RIMOC1: variants seen among roughly 807,000 people sequenced by gnomAD.
RIMOC1 encodes RAB7A-interacting MON1-CCZ1 complex subunit 1.
the RIMOC1 span, chr5:41,919,685 A>C: frequency 6.6e-6 from 1 of 152,062 alleles, no homozygotes; most frequent in Non-Finnish European, 1.5e-5. Flanking sequence ...TGCACACATC[A>C]TTACTTCTGC....
At chr5:41,909,759 T>A in the RIMOC1 span, 5 of 1,526,402 alleles carry the variant, frequency 3.3e-6, no homozygotes, top group Admixed American at 7.2e-5. Context: ...ATTTTGGACA[T>A]GACATATTTT....
At chr5:41,918,404 C>T in the RIMOC1 span, 1 of 985,748 alleles carries the variant, frequency 1.0e-6, no homozygotes, top group East Asian at 1.1e-4. Context: ...TTGACTGCTC[C>T]CCTTCCTCCT....
At chr5:41,912,190 T>C in the RIMOC1 span, 1 of 1,464,442 alleles carries the variant, frequency 6.8e-7, no homozygotes, top group Middle Eastern at 1.7e-4. Flanking sequence ...GCAGGTAATG[T>C]GATCTCTCAT....
chr5:41,918,543 C>T, the RIMOC1 span: 123 of 985,422 alleles, frequency 1.2e-4, no homozygotes, highest in Middle Eastern at 4.2e-3. Flanking sequence ...AAGCCCTCAA[C>T]CTCAGATTAA....
the RIMOC1 span, among the ~76,000 whole-genome samples, chr5:41,908,551 G>T: frequency 6.6e-6 from 1 of 152,062 alleles, no homozygotes; most frequent in African/African-American, 2.4e-5. Context: ...AATGCTTGGT[G>T]CTGTTCTTCC....
At chr5:41,916,426 C>A in the RIMOC1 span, 1 of 953,252 alleles carries the variant, frequency 1.0e-6, no homozygotes, top group Non-Finnish European at 1.2e-6. Flanking sequence ...GAAAATTCTG[C>A]AGCATACTCT....
the RIMOC1 span, among the ~76,000 whole-genome samples, chr5:41,905,305 T>G: frequency 6.6e-6 from 1 of 152,194 alleles, no homozygotes; most frequent in Non-Finnish European, 1.5e-5. Context: ...TCAGTGAATA[T>G]TTTTTGCCAG....
At chr5:41,916,687 T>C in the RIMOC1 span, among the ~76,000 whole-genome samples, 1 of 152,172 alleles carries the variant, frequency 6.6e-6, no homozygotes, top group Non-Finnish European at 1.5e-5. Flanking sequence ...GTGTATATTC[T>C]GGGAGAAGTT....
At chr5:41,907,750 C>T in the RIMOC1 span, 28 of 1,601,960 alleles carry the variant, frequency 1.7e-5, no homozygotes, top group African/African-American at 2.7e-5. Context: ...CTTTTTAATT[C>T]GGGCCTCTGC....
chr5:41,919,005 CT>C, the RIMOC1 span: 430 of 145,630 alleles, frequency 3.0e-3, no homozygotes, highest in African/African-American at 2.8e-3. Context: ...CTCTCTCTCT[CT>C]TTTTTTTTTT....
the RIMOC1 span, chr5:41,909,956 G>A: frequency 1.5e-6 from 2 of 1,309,796 alleles, no homozygotes; most frequent in East Asian, 5.1e-5. Context: ...CTGCTTTTTG[G>A]AGTCTATATT....
At chr5:41,911,828 T>C in the RIMOC1 span, among the ~76,000 whole-genome samples, 3 of 152,216 alleles carry the variant, frequency 2.0e-5, no homozygotes, top group Non-Finnish European at 2.9e-5. Flanking sequence ...AATGTGTTTC[T>C]GGTTAATGTC....
At chr5:41,912,233 AT>A in the RIMOC1 span, 1 of 1,125,834 alleles carries the variant, frequency 8.9e-7, no homozygotes, top group Non-Finnish European at 1.3e-6. Flanking sequence ...GCTTCTTAAG[AT>A]TTTAGGAAGT....
the RIMOC1 span, chr5:41,911,108 C>T: frequency 6.2e-7 from 1 of 1,610,112 alleles, no homozygotes; most frequent in Middle Eastern, 1.7e-4. Flanking sequence ...AGGAGCCCTG[C>T]TGTATATGTA....
chr5:41,917,839 T>G, the RIMOC1 span: 1 of 815,724 alleles, frequency 1.2e-6, no homozygotes. Flanking sequence ...ATCATTGTGT[T>G]TAATTATTTT....
chr5:41,905,540 G>A, the RIMOC1 span, among the ~76,000 whole-genome samples: 6 of 152,302 alleles, frequency 3.9e-5, no homozygotes, highest in East Asian at 7.7e-4. Context: ...AAAGTGCTGG[G>A]ATTACAGGCG....
chr5:41,908,223 A>G, the RIMOC1 span: 5 of 161,264 alleles, frequency 3.1e-5, no homozygotes, highest in East Asian at 3.7e-4. Flanking sequence ...AGGATTCTCA[A>G]TATTATTCTC....
chr5:41,916,593 G>A, the RIMOC1 span: 1 of 425,484 alleles, frequency 2.4e-6, no homozygotes. Context: ...AATTATCCTA[G>A]AGCATACCCC....
At chr5:41,911,883 G>A in the RIMOC1 span, among the ~76,000 whole-genome samples, 1 of 151,700 alleles carries the variant, frequency 6.6e-6, no homozygotes, top group Non-Finnish European at 1.5e-5. Context: ...GCATTTCAAG[G>A]GGTATATTTA....
Sources: gnomAD v4.1 joint callset for allele counts (sites outside exome capture counted in the v4.1 genomes callset) on GRCh38, gnomAD v4.1.1 for gene constraint, MANE v1.5 for transcripts, NCBI Gene and HGNC (gene_info 2026-07-23, HGNC 2026-07-21) for gene names.